The following HS6ST3 variants were observed in gnomAD, a reference collection of about 807,000 sequenced individuals.
The protein encoded by HS6ST3 is heparan-sulfate 6-O-sulfotransferase 3.
In HS6ST3, 12 loss-of-function variants were observed where a neutral mutation model predicts 36.7. The ratio of observed to expected loss-of-function variants is 0.33; its 90% CI spans 0.21 to 0.53. HS6ST3 has a LOEUF of 0.53. Ranked by LOEUF, HS6ST3 falls within the 20% of genes least tolerant of loss-of-function variation. The pLI is 0.95. For missense variants in HS6ST3, 584 were observed against 640.9 expected, an observed-to-expected ratio of 0.91 and a Z score of 0.96; for synonymous variants, 240 against 257.5, an observed-to-expected ratio of 0.93 and a Z score of 0.65.
chr13:96,167,778 T>C (rs914043391), intron 1 of HS6ST3, among the ~76,000 whole-genome samples: 9 of 152,248 alleles, frequency 5.9e-5, no homozygotes, highest in Admixed American at 2.0e-4. Context: ...AGAATTTTTA[T>C]GGAAATCATT....
intron 1 of HS6ST3, among the ~76,000 whole-genome samples, chr13:96,826,232 C>A: frequency 6.6e-6 from 1 of 152,184 alleles, no homozygotes; most frequent in East Asian, 1.9e-4. Flanking sequence ...CCTACCATCA[C>A]AATCAAATGA....
intron 1 of HS6ST3, among the ~76,000 whole-genome samples, chr13:96,564,642 A>G (rs373058582): frequency 6.6e-6 from 1 of 152,190 alleles, no homozygotes; most frequent in African/African-American, 2.4e-5. Context: ...GGGCAAATCT[A>G]AACAAAGAGC....
chr13:96,696,684 C>G (rs557563287), intron 1 of HS6ST3, among the ~76,000 whole-genome samples: 57 of 152,130 alleles, frequency 3.7e-4, no homozygotes, highest in Non-Finnish European at 6.6e-4. Context: ...CAACAGCACA[C>G]AAATGACCTT....
At chr13:96,229,996 G>T (rs1035241342) in intron 1 of HS6ST3, among the ~76,000 whole-genome samples, 1 of 152,218 alleles carries the variant, frequency 6.6e-6, no homozygotes, top group East Asian at 1.9e-4. Flanking sequence ...AGTTAGGAAA[G>T]CACGGGGTAT....
chr13:96,113,996 GTTAAA>G (rs151125087), intron 1 of HS6ST3, among the ~76,000 whole-genome samples: 1,551 of 152,098 alleles, frequency 0.01, 24 homozygotes, highest in African/African-American at 0.036. Context: ...TTGAGGCACT[GTTAAA>G]TTAAAGAAGA....
At chr13:96,598,366 C>A (rs917461588) in intron 1 of HS6ST3, among the ~76,000 whole-genome samples, 6 of 152,034 alleles carry the variant, frequency 3.9e-5, no homozygotes, top group African/African-American at 1.2e-4. Context: ...TTTTGTATTT[C>A]TCCTTGTAGT....
intron 1 of HS6ST3, among the ~76,000 whole-genome samples, chr13:96,702,098 G>A (rs1279343475): frequency 1.3e-5 from 2 of 152,220 alleles, no homozygotes; most frequent in African/African-American, 4.8e-5. Context: ...TGTGAAAAGG[G>A]AGATGGTAAG....
intron 1 of HS6ST3, among the ~76,000 whole-genome samples, chr13:96,743,432 A>G (rs1489115593): frequency 6.6e-6 from 1 of 152,048 alleles, no homozygotes; most frequent in African/African-American, 2.4e-5. Context: ...GTTGGGAAGG[A>G]AAGCCTCTAA....
At chr13:96,117,886 T>C (rs76633658) in intron 1 of HS6ST3, among the ~76,000 whole-genome samples, 18 of 152,052 alleles carry the variant, frequency 1.2e-4, no homozygotes, top group African/African-American at 3.9e-4. Context: ...TTTTTTTTTT[T>C]CGAGATGGAG....
At chr13:96,272,350 A>C (rs1471991662) in intron 1 of HS6ST3, among the ~76,000 whole-genome samples, 1 of 152,006 alleles carries the variant, frequency 6.6e-6, no homozygotes, top group Non-Finnish European at 1.5e-5. Context: ...ACCTTTTAAA[A>C]TATTCTGTGA....
In HS6ST3 at chr13:96,241,186, C is replaced by G. The variant is rs1178096787; in HGVS notation, c.707+149617C>G. ...AAAATGAAAGAAACGCCTAATAGAACTGTCAGCTGATCATTAAAATAATTT... is the reference window on the plus strand; with the variant it reads ...AAAATGAAAGAAACGCCTAATAGAAGTGTCAGCTGATCATTAAAATAATTT... On this transcript the variant is annotated intron_variant, in intron 1 of 1. Coordinates refer to ENST00000376705, the MANE Select transcript of HS6ST3 (RefSeq NM_153456.4). Among the ~76,000 whole-genome samples, 3 of 151,478 alleles carry G rather than the reference C, an allele frequency of 2.0e-5. No individual in the cohort carries two copies. The East Asian group carries it at 5.8e-4, about 29-fold the overall frequency.
chr13:96,144,050 C>T (rs1392461826), intron 1 of HS6ST3, among the ~76,000 whole-genome samples: 2 of 152,128 alleles, frequency 1.3e-5, no homozygotes, highest in Non-Finnish European at 2.9e-5. Context: ...CAGTGAAAAG[C>T]TTTGAAATCA....
intron 1 of HS6ST3, among the ~76,000 whole-genome samples, chr13:96,603,205 T>C (rs980167662): frequency 1.3e-5 from 2 of 152,272 alleles, no homozygotes; most frequent in Admixed American, 1.3e-4. Flanking sequence ...GACCAGACGC[T>C]CAACAGCCAC....
At chr13:96,703,234 T>A (rs1238625252) in intron 1 of HS6ST3, among the ~76,000 whole-genome samples, 4 of 152,222 alleles carry the variant, frequency 2.6e-5, no homozygotes, top group Non-Finnish European at 5.9e-5. Flanking sequence ...GAAGACTAAC[T>A]TCTCTAAATG....
intron 1 of HS6ST3, among the ~76,000 whole-genome samples, chr13:96,593,105 G>A (rs750233678): frequency 2.1e-5 from 3 of 143,020 alleles, no homozygotes; most frequent in Non-Finnish European, 3.1e-5. Context: ...TCTAAATTTT[G>A]TAAGTATGCT....
chr13:96,634,902 T>TGTTGAGTC (rs2139003016), intron 1 of HS6ST3, among the ~76,000 whole-genome samples: 1 of 16,110 alleles, frequency 6.2e-5, no homozygotes, highest in Non-Finnish European at 2.0e-4. Context: ...GGTTTAATCT[T>TGTTGAGTC]AATCTCTGAC....
At chr13:96,362,020 C>T (rs986008119) in intron 1 of HS6ST3, among the ~76,000 whole-genome samples, 2 of 152,160 alleles carry the variant, frequency 1.3e-5, no homozygotes, top group Non-Finnish European at 2.9e-5. Context: ...AAGCCCTCCC[C>T]GTGATCCTGA....
intron 1 of HS6ST3, among the ~76,000 whole-genome samples, chr13:96,458,403 A>T (rs1246382437): frequency 6.6e-6 from 1 of 152,126 alleles, no homozygotes; most frequent in Non-Finnish European, 1.5e-5. Flanking sequence ...TATCCAGAGA[A>T]GTTTTTCTTA....
intron 1 of HS6ST3, among the ~76,000 whole-genome samples, chr13:96,371,281 G>C (rs1218275301): frequency 1.3e-5 from 2 of 152,214 alleles, no homozygotes; most frequent in East Asian, 3.9e-4. Flanking sequence ...GCATTTACCT[G>C]ATTACTAAAT....
Sources: allele counts gnomAD v4.1 joint callset (sites outside exome capture counted in the v4.1 genomes callset), GRCh38; gene constraint gnomAD v4.1.1; transcripts MANE v1.5; gene names NCBI Gene and HGNC (gene_info 2026-07-23, HGNC 2026-07-21).